Variants in GPR158 observed in about 807,000 individuals in gnomAD.
GPR158 encodes the protein metabotropic glycine receptor.
A neutral mutation model predicts 78.2 loss-of-function variants in GPR158; 30 were observed. The observed-to-expected ratio is 0.38, with a 90% CI of 0.29 to 0.52. GPR158 has a LOEUF of 0.52. Among genes scored for constraint, GPR158 ranks in the 20% least tolerant of loss-of-function variants. The pLI, the probability that GPR158 is intolerant of heterozygous loss-of-function variation, is 0.83. For synonymous variants in GPR158, 581 were observed against 591.1 expected, an observed-to-expected ratio of 0.98 and a Z score of 0.25; for missense variants, 1,463 against 1,523.5, an observed-to-expected ratio of 0.96 and a Z score of 0.66.
At chr10:25,560,501 G>A (rs1292282122) in intron 6 of GPR158, among the ~76,000 whole-genome samples, 3 of 152,178 alleles carry the variant, frequency 2.0e-5, no homozygotes, top group African/African-American at 7.2e-5. Context: ...TCCTGACCTT[G>A]TGATCCGCCT....
At chr10:25,455,389 T>C (rs1002729864) in intron 4 of GPR158, among the ~76,000 whole-genome samples, 1 of 152,158 alleles carries the variant, frequency 6.6e-6, no homozygotes, top group African/African-American at 2.4e-5. Flanking sequence ...TGTTATATTA[T>C]AAAACTTTTT....
chr10:25,309,345 G>A (rs1183132414), intron 2 of GPR158, among the ~76,000 whole-genome samples: 1 of 151,902 alleles, frequency 6.6e-6, no homozygotes, highest in African/African-American at 2.4e-5. Context: ...TTGGCCATTT[G>A]TATATCTTCT....
intron 1 of GPR158, among the ~76,000 whole-genome samples, chr10:25,189,833 C>CGT (rs1564386832): frequency 2.8e-5 from 3 of 105,720 alleles, no homozygotes; most frequent in Admixed American, 1.8e-4. Context: ...GAAAGGAAAG[C>CGT]ATGTGTGTGT....
rs145600017 is a variant in GPR158, at chr10:25,258,184, T to A, written c.1008+37027T>A. ...GCATCAAGCACAATCTTAAACTAAG[T>A]GTAAGCAACTGCTTATTTAGGGCAC... is the stretch of plus-strand genomic sequence containing the variant. On this transcript the variant is annotated intron_variant, in intron 2 of 10. Transcript: ENST00000376351. 1.5e-3 allele frequency among the ~76,000 whole-genome samples: 225 copies of A among 152,330 alleles called. 1 individual carries two copies. Among genetic ancestry groups the A allele is most frequent in the Non-Finnish European group, 2.8e-3 (192 of 68,016 alleles).
chr10:25,178,740 G>C (rs890485333), intron 1 of GPR158, among the ~76,000 whole-genome samples: 3 of 152,156 alleles, frequency 2.0e-5, no homozygotes, highest in Non-Finnish European at 4.4e-5. Flanking sequence ...TTCAAATGCT[G>C]TATTGAGGGT....
At chr10:25,405,152 T>C (rs1417848680) in intron 3 of GPR158, among the ~76,000 whole-genome samples, 1 of 152,074 alleles carries the variant, frequency 6.6e-6, no homozygotes, top group Admixed American at 6.6e-5. Flanking sequence ...TTAGGAAAGA[T>C]AGATGAACGA....
chr10:25,364,403 T>C (rs1168498462), intron 2 of GPR158, among the ~76,000 whole-genome samples: 1 of 151,824 alleles, frequency 6.6e-6, no homozygotes, highest in African/African-American at 2.4e-5. Context: ...TTTTTCCATT[T>C]CTCCATAAAT....
At chr10:25,357,747 T>A (rs1855573095) in intron 2 of GPR158, among the ~76,000 whole-genome samples, 1 of 152,038 alleles carries the variant, frequency 6.6e-6, no homozygotes, top group Non-Finnish European at 1.5e-5. Flanking sequence ...GGAGAACCTC[T>A]GCTAGGACAG....
chr10:25,359,730 T>C (rs906884320), intron 2 of GPR158, among the ~76,000 whole-genome samples: 2 of 152,200 alleles, frequency 1.3e-5, no homozygotes, highest in Admixed American at 1.3e-4. Context: ...TGTGTACATG[T>C]GTCTTTATAG....
intron 5 of GPR158, among the ~76,000 whole-genome samples, chr10:25,517,655 T>C (rs1836199610): frequency 6.6e-6 from 1 of 152,122 alleles, no homozygotes. Flanking sequence ...TTTAGTTCTG[T>C]TTATATGCTG....
intron 6 of GPR158, among the ~76,000 whole-genome samples, chr10:25,551,998 C>T (rs1001309378): frequency 1.3e-5 from 2 of 152,120 alleles, no homozygotes; most frequent in East Asian, 1.9e-4. Context: ...CTGTCTACCA[C>T]GTAAGAAACT....
chr10:25,572,915 G>GTCTT (rs760883077), intron 7 of GPR158, 28 bp downstream of exon 7: 1 of 1,278,546 alleles, frequency 7.8e-7, no homozygotes, highest in Admixed American at 1.7e-5. Context: ...TCGTATGATG[G>GTCTT]TCTTACCATT....
At chr10:25,213,620 G>A (rs995895246) in intron 1 of GPR158, among the ~76,000 whole-genome samples, 1 of 151,958 alleles carries the variant, frequency 6.6e-6, no homozygotes, top group Non-Finnish European at 1.5e-5. Context: ...ATCATGTAAA[G>A]TGAGCTGGGT....
intron 4 of GPR158, among the ~76,000 whole-genome samples, chr10:25,425,739 T>C (rs968702099): frequency 2.6e-5 from 4 of 152,116 alleles, no homozygotes; most frequent in African/African-American, 9.7e-5. Context: ...TTATTTCTTA[T>C]ATTGCCTCTT....
chr10:25,572,310 C>A (rs1017531931), intron 6 of GPR158, among the ~76,000 whole-genome samples: 1 of 152,124 alleles, frequency 6.6e-6, no homozygotes. Flanking sequence ...ATGAGCAATA[C>A]TGTTTCTGAA....
At chr10:25,583,214 G>A (rs189069274) in intron 7 of GPR158, among the ~76,000 whole-genome samples, 3 of 152,198 alleles carry the variant, frequency 2.0e-5, no homozygotes, top group South Asian at 2.1e-4. Context: ...AACTTGCAAC[G>A]TCTTCTGTAT....
chr10:25,314,346 A>T, intron 2 of GPR158, among the ~76,000 whole-genome samples: 1 of 151,974 alleles, frequency 6.6e-6, no homozygotes, highest in Non-Finnish European at 1.5e-5. Flanking sequence ...TGATCTGCCC[A>T]CCTCGGCCTC....
intron 2 of GPR158, among the ~76,000 whole-genome samples, chr10:25,262,417 T>C (rs989462997): frequency 7.0e-4 from 106 of 152,296 alleles, no homozygotes; most frequent in African/African-American, 2.4e-3. Flanking sequence ...CTTCTTAGTA[T>C]CTAGGAAAGA....
chr10:25,327,592 G>C (rs1369018529), intron 2 of GPR158, among the ~76,000 whole-genome samples: 1 of 152,122 alleles, frequency 6.6e-6, no homozygotes, highest in Non-Finnish European at 1.5e-5. Flanking sequence ...CTTCTGAAGA[G>C]GTTTTTGGGA....
Sources: gnomAD v4.1 joint callset for allele counts (sites outside exome capture counted in the v4.1 genomes callset) on GRCh38, gnomAD v4.1.1 for gene constraint, MANE v1.5 for transcripts, NCBI Gene and HGNC (gene_info 2026-07-23, HGNC 2026-07-21) for gene names.